Variants in NECTIN1 observed in about 807,000 individuals in gnomAD.
The protein encoded by NECTIN1 is nectin cell adhesion molecule 1, also known as nectin-1.
A neutral mutation model predicts 48.0 loss-of-function variants in NECTIN1; 23 were observed. That is an observed-to-expected ratio of 0.48 (90% confidence interval 0.34 to 0.68). The LOEUF (loss-of-function observed/expected upper bound fraction) is 0.68. Among genes scored for constraint, NECTIN1 ranks in the 30% least tolerant of loss-of-function variants. NECTIN1 has a pLI of 0.01. For synonymous variants in NECTIN1, 270 were observed against 288.9 expected, an observed-to-expected ratio of 0.93 and a Z score of 0.66; for missense variants, 591 against 709.9, an observed-to-expected ratio of 0.83 and a Z score of 1.90.
downstream of NECTIN1, chr11:119,658,943 G>C (rs1332450217): frequency 6.6e-6 from 1 of 152,176 alleles, no homozygotes; most frequent in African/African-American, 2.4e-5. Context: ...TGAGTGTGTT[G>C]GGGTAGGATG....
intron 1 of NECTIN1, among the ~76,000 whole-genome samples, chr11:119,708,828 G>T (rs1449618537): frequency 6.6e-6 from 1 of 152,140 alleles, no homozygotes; most frequent in Non-Finnish European, 1.5e-5. Context: ...GATGATGGCA[G>T]GGCTAGGCTG....
chr11:119,670,525 C>G (rs1864847527), intron 5 of NECTIN1, among the ~76,000 whole-genome samples: 1 of 152,114 alleles, frequency 6.6e-6, no homozygotes. Context: ...GCATGGGGCC[C>G]ACTGGGACCT....
intron 1 of NECTIN1, among the ~76,000 whole-genome samples, chr11:119,707,907 CT>C (rs778217770): frequency 1.5e-4 from 23 of 152,214 alleles, no homozygotes; most frequent in Non-Finnish European, 2.9e-4. Flanking sequence ...GTGCTGGCAC[CT>C]TTTGGGTGAA....
intron 1 of NECTIN1, among the ~76,000 whole-genome samples, chr11:119,713,434 T>C (rs541359486): frequency 1.3e-5 from 2 of 152,212 alleles, no homozygotes; most frequent in Non-Finnish European, 2.9e-5. Flanking sequence ...ATTAACCAGT[T>C]TGACTCCTGG....
rs1781622568 is a variant in NECTIN1 at position 119,664,079 on chromosome 11, C to G, written c.*668G>C. ...GCGTCAGAGCTAGGCCAACTCCACTCTCTGTGGGCCAATGAGGAAAAAAAA... is the reference window on the plus strand; with the variant it reads ...GCGTCAGAGCTAGGCCAACTCCACTGTCTGTGGGCCAATGAGGAAAAAAAA... On this transcript the variant is annotated 3_prime_UTR_variant, in exon 6 of 6. Coordinates refer to ENST00000264025, the MANE Select transcript of NECTIN1 (RefSeq NM_002855.5). 1.0e-6 allele frequency: 1 copy of G among 985,708 alleles called. No individual in the cohort carries two copies. Among genetic ancestry groups the G allele is most frequent in the African/African-American group, 1.7e-5 (1 of 57,194 alleles). 61.1% of individuals were successfully genotyped at this position (985,708 alleles called of 1,614,324 possible).
At position 119,677,526 on chromosome 11, in the gene NECTIN1, G is replaced by A; in HGVS notation, c.733+29C>T. On this transcript the variant is annotated intron_variant, in intron 3 of 5. Coordinates refer to ENST00000264025, the MANE Select transcript of NECTIN1 (RefSeq NM_002855.5). The surrounding 1 kb of genome is among the most constrained non-coding windows in gnomAD (Gnocchi z 5.4). Reference sequence around the variant, plus strand: ...AGGAGGGACAGTGGCGCCCACCCCAGGAGGCCCCTGGCAGCCAGCCCTGCT... The same window carrying A: ...AGGAGGGACAGTGGCGCCCACCCCAAGAGGCCCCTGGCAGCCAGCCCTGCT... 6.2e-7 allele frequency: 1 copy of A among 1,611,582 alleles called. No homozygotes were observed. The highest frequency in any genetic ancestry group is 8.5e-7 in the Non-Finnish European group (1 of 1,179,342).
chr11:119,701,641 C>T (rs979588546), intron 1 of NECTIN1, among the ~76,000 whole-genome samples: 1 of 152,126 alleles, frequency 6.6e-6, no homozygotes, highest in Non-Finnish European at 1.5e-5. Context: ...TTCCTCCTGG[C>T]TCTAGGGGGC....
downstream of NECTIN1, among the ~76,000 whole-genome samples, chr11:119,660,499 C>CT (rs781384889): frequency 2.6e-4 from 39 of 152,280 alleles, no homozygotes; most frequent in Non-Finnish European, 3.8e-4. Flanking sequence ...GCTCTCAGCT[C>CT]TTCTCCGTCC....
chr11:119,676,948 T>G, intron 4 of NECTIN1, 154 bp downstream of exon 4: 1 of 695,678 alleles, frequency 1.4e-6, no homozygotes, highest in Non-Finnish European at 2.6e-6. Flanking sequence ...GTGTTGGGGG[T>G]GGGGGTTGTT....
At chr11:119,642,747 C>T (rs934904220) in intron 5 of NECTIN1, 1 of 153,570 alleles carries the variant, frequency 6.5e-6, no homozygotes, top group Non-Finnish European at 1.5e-5. Flanking sequence ...TGCCTATAAC[C>T]TATACACATC....
downstream of NECTIN1, among the ~76,000 whole-genome samples, chr11:119,658,114 G>A (rs914273179): frequency 6.6e-6 from 1 of 152,126 alleles, no homozygotes; most frequent in Non-Finnish European, 1.5e-5. Flanking sequence ...TTCTCAAGCC[G>A]AGCGGCCAGC....
Position 119,709,655 on chromosome 11 carries a change from G to A in NECTIN1, c.79+18820C>T, listed in dbSNP as rs971445172. Reference sequence around the variant, plus strand: ...CCTGAAAGGAGCCTGGGAAAGACTGGGGCTGGGGGCTGGGGGCTGGGAGAG... The same window carrying A: ...CCTGAAAGGAGCCTGGGAAAGACTGAGGCTGGGGGCTGGGGGCTGGGAGAG... On this transcript the variant is annotated intron_variant, in intron 1 of 5. Transcript: ENST00000264025. This position sits in a 1 kb window ranked among gnomAD's most constrained non-coding sequence, Gnocchi z 4.1. Among the ~76,000 whole-genome samples the A allele has an allele frequency of 2.6e-5, 4 of 152,090 alleles. No individual in the cohort carries two copies. Among genetic ancestry groups the A allele is most frequent in the Non-Finnish European group, 2.9e-5 (2 of 67,984 alleles).
At chr11:119,681,256 T>C (rs1865056827) in intron 1 of NECTIN1, among the ~76,000 whole-genome samples, 1 of 152,162 alleles carries the variant, frequency 6.6e-6, no homozygotes, top group Admixed American at 6.5e-5. Flanking sequence ...GTGGGCATAA[T>C]TGGGGAACTT....
chr11:119,713,730 T>C, intron 1 of NECTIN1: 2 of 414,518 alleles, frequency 4.8e-6, no homozygotes, highest in Non-Finnish European at 9.7e-6. Context: ...GGGGCAGTCA[T>C]GTCCTCTGGC....
rs1223370701 is a variant in NECTIN1 at position 119,727,870 on chromosome 11, G to A, written c.79+605C>T. On this transcript the variant is annotated intron_variant, in intron 1 of 5. Transcript: ENST00000264025. The surrounding 1 kb of genome is among the most constrained non-coding windows in gnomAD (Gnocchi z 4.1). ...CCGGTCCCGCGCCAGGCCGGGAGGA[G>A]GCTGCCCCGGCCTCACCCTCCAGGA... 6.6e-6 allele frequency among the ~76,000 whole-genome samples: 1 copy of A among 152,220 alleles called. No individual in the cohort carries two copies. Among genetic ancestry groups the A allele is most frequent in the Non-Finnish European group, 1.5e-5 (1 of 68,030 alleles).
chr11:119,669,492 TC>T lies in NECTIN1; in HGVS notation c.1004-4196del, dbSNP rs138632860. The stretch of plus-strand genomic sequence containing the variant: ...ACCACCCTGATCCAAGATACTCTCA[TC>T]TTTCATCTGGATTATTGATTGCAAT... On this transcript the variant is annotated intron_variant, in intron 5 of 5. Transcript: ENST00000264025. Among the ~76,000 whole-genome samples, 49 of 152,074 alleles carry T rather than the reference TC, an allele frequency of 3.2e-4. No homozygotes were observed. In the East Asian group the frequency reaches 9.5e-3, roughly 29 times the overall value.
At chr11:119,648,283 G>GTGATGCTGGTGATGGTGGTGA (rs1406257396) in intron 5 of NECTIN1, among the ~76,000 whole-genome samples, 2 of 11,246 alleles carry the variant, frequency 1.8e-4, no homozygotes, top group Admixed American at 1.3e-3. Flanking sequence ...GGTGATGGTG[G>GTGATGCTGGTGATGGTGGTGA]TGGTGATGGT....
chr11:119,674,609 T>G (rs754021070), intron 5 of NECTIN1: 1 of 1,613,918 alleles, frequency 6.2e-7, no homozygotes, highest in Non-Finnish European at 8.5e-7. Context: ...ATCCTAGCTC[T>G]TGTCCTCCCT....
rs1026899246 is a variant in NECTIN1, at chr11:119,683,744, CT to C, written c.80-4980del. 9.5e-4 allele frequency among the ~76,000 whole-genome samples: 140 copies of C among 147,328 alleles called. No homozygotes were observed. Among genetic ancestry groups the C allele is most frequent in the Non-Finnish European group, 8.9e-4 (59 of 66,346 alleles). On this transcript the variant is annotated intron_variant, in intron 1 of 5. Transcript: ENST00000264025. The surrounding 1 kb of genome is among the most constrained non-coding windows in gnomAD (Gnocchi z 4.0). Reference sequence around the variant, plus strand: ...TCCCACAGATATCAAAAGAATCAGTCTTTTTTTTTTTCCTGAACTCAAGCAC... The same window carrying C: ...TCCCACAGATATCAAAAGAATCAGTCTTTTTTTTTTCCTGAACTCAAGCAC...
Sources: gnomAD v4.1 joint callset for allele counts (sites outside exome capture counted in the v4.1 genomes callset) on GRCh38, gnomAD v4.1.1 for gene constraint, Gnocchi (gnomAD v3.1) non-coding constraint, MANE v1.5 for transcripts, NCBI Gene and HGNC (gene_info 2026-07-23, HGNC 2026-07-21) for gene names.